IPMK: variants seen among roughly 807,000 people sequenced by gnomAD.
IPMK encodes inositol polyphosphate multikinase, also known as inositol 1,3,4,6-tetrakisphosphate 5-kinase.
A neutral mutation model predicts 45.8 loss-of-function variants in IPMK; 17 were observed. The observed-to-expected ratio is 0.37, with a 90% CI of 0.25 to 0.56. The LOEUF (loss-of-function observed/expected upper bound fraction) is 0.56. IPMK is among the 20% of genes least tolerant of loss of function. The pLI is 0.79. For missense variants in IPMK, 399 were observed against 498.0 expected, an observed-to-expected ratio of 0.80 and a Z score of 1.89; for synonymous variants, 180 against 184.3, an observed-to-expected ratio of 0.98 and a Z score of 0.19.
intron 1 of IPMK, among the ~76,000 whole-genome samples, chr10:58,254,495 C>G (rs917616432): frequency 5.9e-5 from 9 of 151,352 alleles, no homozygotes; most frequent in Middle Eastern, 3.2e-3. Context: ...TGAACTTCTT[C>G]AAAAAAAAAT....
At chr10:58,223,063 A>G (rs1047295269) in intron 3 of IPMK, among the ~76,000 whole-genome samples, 1 of 152,186 alleles carries the variant, frequency 6.6e-6, no homozygotes, top group African/African-American at 2.4e-5. Flanking sequence ...TGCTCTGGCG[A>G]TGGGTGCACC....
intron 1 of IPMK, among the ~76,000 whole-genome samples, chr10:58,253,827 C>G (rs1282462693): frequency 2.6e-5 from 4 of 152,016 alleles, no homozygotes; most frequent in Non-Finnish European, 4.4e-5. Context: ...CTTCCTCTCT[C>G]CCTCCCTCCC....
intron 1 of IPMK, among the ~76,000 whole-genome samples, chr10:58,261,695 G>A (rs1319685426): frequency 1.3e-5 from 2 of 151,712 alleles, no homozygotes; most frequent in Non-Finnish European, 2.9e-5. Flanking sequence ...TGATTCTCCT[G>A]CCTCAGCCTC....
intron 2 of IPMK, among the ~76,000 whole-genome samples, chr10:58,232,647 A>G (rs1838542524): frequency 6.6e-6 from 1 of 152,248 alleles, no homozygotes; most frequent in Non-Finnish European, 1.5e-5. Flanking sequence ...ACAAAGACAC[A>G]ACATACAAGA....
chr10:58,263,352 C>A (rs542856940), intron 1 of IPMK, among the ~76,000 whole-genome samples: 3 of 151,616 alleles, frequency 2.0e-5, no homozygotes, highest in Admixed American at 6.6e-5. Context: ...GGCAAAACCC[C>A]GTCTCTACTA....
chr10:58,197,326 A>AATAAATAAATACATACATACATAC lies in IPMK; in HGVS notation c.629-629_629-628insGTATGTATGTATGTATTTATTTAT, dbSNP rs764500371. Among the ~76,000 whole-genome samples the AATAAATAAATACATACATACATAC allele has an allele frequency of 3.3e-3, 482 of 146,480 alleles. 4 individuals are homozygous for AATAAATAAATACATACATACATAC. The highest frequency in any genetic ancestry group is 0.011 in the African/African-American group (407 of 37,970). On this transcript the variant is annotated intron_variant, in intron 5 of 5. Coordinates refer to ENST00000373935, the MANE Select transcript of IPMK (RefSeq NM_152230.5). ...AAATAAATAAATAAATAAATAAATA[A>AATAAATAAATACATACATACATAC]ATACATAAATACATAAACACATAAA...
At chr10:58,201,708 T>C (rs1441403814) in intron 4 of IPMK, among the ~76,000 whole-genome samples, 2 of 152,188 alleles carry the variant, frequency 1.3e-5, no homozygotes, top group Non-Finnish European at 2.9e-5. Flanking sequence ...TAAAAAGTGA[T>C]TAACTTAGTA....
At chr10:58,249,968 G>A (rs1247516214) in intron 1 of IPMK, among the ~76,000 whole-genome samples, 1 of 152,164 alleles carries the variant, frequency 6.6e-6, no homozygotes, top group African/African-American at 2.4e-5. Context: ...ATGTGGCTTA[G>A]CACCTTTGCC....
At chr10:58,258,503 A>G (rs1839007989) in intron 1 of IPMK, among the ~76,000 whole-genome samples, 1 of 152,190 alleles carries the variant, frequency 6.6e-6, no homozygotes, top group Non-Finnish European at 1.5e-5. Context: ...ATCTAACAAG[A>G]TTGGAATCAC....
At chr10:58,236,756 T>TTTAAAA (rs1231248879) in intron 2 of IPMK, among the ~76,000 whole-genome samples, 1 of 151,744 alleles carries the variant, frequency 6.6e-6, no homozygotes, top group Non-Finnish European at 1.5e-5. Flanking sequence ...AAAAAACTGT[T>TTTAAAA]TTAAAATTAG....
rs1186928322 is a variant in IPMK, at chr10:58,195,584, A to G, written c.*492T>C. 1.3e-5 allele frequency: 2 copies of G among 152,772 alleles called. No homozygotes were observed. The highest frequency in any genetic ancestry group is 2.9e-5 in the Non-Finnish European group (2 of 68,474). The allele number at this position is 152,772 out of a possible 1,614,324, so 9.5% of individuals were successfully genotyped here. A position where few individuals can be genotyped will look rare whatever the true frequency, so the allele number is the denominator to read the frequency against. On this transcript the variant is annotated 3_prime_UTR_variant, in exon 6 of 6. Transcript: ENST00000373935. ...GGTCTGAACTTTTAATATAAAACCTAAACAGTACTTATTTCTGAAGTAGAA... is the reference window on the plus strand; with the variant it reads ...GGTCTGAACTTTTAATATAAAACCTGAACAGTACTTATTTCTGAAGTAGAA...
At chr10:58,245,388 C>T (rs114243313) in intron 1 of IPMK, among the ~76,000 whole-genome samples, 7,579 of 151,904 alleles carry the variant, frequency 0.05, 508 homozygotes, top group East Asian at 0.31. Flanking sequence ...CCAAGACAGC[C>T]GGATCACGAG....
chr10:58,200,467 A>AAAAT (rs766164856), intron 4 of IPMK, among the ~76,000 whole-genome samples: 3 of 152,098 alleles, frequency 2.0e-5, no homozygotes, highest in African/African-American at 7.2e-5. Context: ...CACATATTTA[A>AAAAT]AAATAAATAA....
chr10:58,258,062 G>A (rs962352683), intron 1 of IPMK, among the ~76,000 whole-genome samples: 1 of 152,138 alleles, frequency 6.6e-6, no homozygotes, highest in Admixed American at 6.5e-5. Flanking sequence ...TGTAATCCCA[G>A]GACTTTGGGA....
chr10:58,241,337 A>G (rs1398228529), intron 1 of IPMK, among the ~76,000 whole-genome samples: 1 of 152,200 alleles, frequency 6.6e-6, no homozygotes, highest in Non-Finnish European at 1.5e-5. Context: ...CCAAGTAAAA[A>G]ATAATAGTAA....
At chr10:58,242,759 G>C (rs578166765) in intron 1 of IPMK, among the ~76,000 whole-genome samples, 75 of 152,114 alleles carry the variant, frequency 4.9e-4, no homozygotes, top group Non-Finnish European at 9.4e-4. Flanking sequence ...ATAACTATCT[G>C]ATATGGTTTG....
intron 2 of IPMK, among the ~76,000 whole-genome samples, chr10:58,233,133 C>T (rs1838551309): frequency 6.6e-6 from 1 of 152,076 alleles, no homozygotes. Flanking sequence ...AGACGTTGCA[C>T]CTCTGAATAG....
At chr10:58,203,029 T>C (rs1564527769) in intron 4 of IPMK, among the ~76,000 whole-genome samples, 1 of 152,154 alleles carries the variant, frequency 6.6e-6, no homozygotes, top group African/African-American at 2.4e-5. Context: ...GCAATGTAAA[T>C]TGAAAACCTT....
chr10:58,267,825 G>C lies in IPMK; in HGVS notation c.-214C>G. 2.0e-6 allele frequency: 1 copy of C among 497,738 alleles called. No homozygotes were observed. Among genetic ancestry groups the C allele is most frequent in the East Asian group, 3.6e-5 (1 of 27,716 alleles). 30.8% of individuals were successfully genotyped at this position (497,738 alleles called of 1,614,324 possible). A position where few individuals can be genotyped will look rare whatever the true frequency, so the allele number is the denominator to read the frequency against. On this transcript the variant is annotated 5_prime_UTR_variant, in exon 1 of 6. Coordinates refer to ENST00000373935, the MANE Select transcript of IPMK (RefSeq NM_152230.5). ...AACTCTCGGCGGAACGCGGCTCCCG[G>C]CTCCTGTTCCTCTGCCGCCGCAGCC... is the stretch of plus-strand genomic sequence containing the variant.
Sources: gnomAD v4.1 joint callset for allele counts (sites outside exome capture counted in the v4.1 genomes callset) on GRCh38, gnomAD v4.1.1 for gene constraint, MANE v1.5 for transcripts, NCBI Gene and HGNC (gene_info 2026-07-23, HGNC 2026-07-21) for gene names.